MECOM: variants seen among roughly 807,000 people sequenced by gnomAD.
MECOM encodes MDS1 and EVI1 complex locus.
Under a neutral mutation model 116.3 loss-of-function variants are expected in MECOM, and 13 were observed. The ratio of observed to expected loss-of-function variants is 0.11; its 90% CI spans 0.07 to 0.18. The LOEUF (loss-of-function observed/expected upper bound fraction) is 0.18, where lower values mean the gene tolerates loss of function less well. Ranked by LOEUF, MECOM falls within the 10% of genes least tolerant of loss-of-function variation. The pLI, the probability that MECOM is intolerant of heterozygous loss-of-function variation, is 1.00. For synonymous variants in MECOM, 528 were observed against 535.2 expected (o/e 0.99, Z 0.19); for missense variants, 1,299 against 1,509.0 (o/e 0.86, Z 2.31).
At chr3:169,429,471 C>T (rs999670160) in intron 1 of MECOM, among the ~76,000 whole-genome samples, 2 of 152,206 alleles carry the variant, frequency 1.3e-5, no homozygotes, top group Admixed American at 6.5e-5. Context: ...CCATCACAAG[C>T]TCAGAGACTA....
chr3:169,365,056 T>A (rs1333702607), intron 2 of MECOM, among the ~76,000 whole-genome samples: 2 of 152,062 alleles, frequency 1.3e-5, no homozygotes, highest in Non-Finnish European at 2.9e-5. Flanking sequence ...GGGCAAGAAA[T>A]CTATTTTTAT....
chr3:169,389,184 T>A lies in MECOM; in HGVS notation c.38-7660A>T, dbSNP rs143540355. ...CTAGTACTCCTAAGCTATTAAAAAA[T>A]GGGCTTCGCCTCTTCCAAAACTTTC... On this transcript the variant is annotated intron_variant, in intron 1 of 16. Coordinates refer to ENST00000651503, the MANE Select transcript of MECOM (RefSeq NM_004991.4). Among the ~76,000 whole-genome samples the A allele has an allele frequency of 3.9e-5, 6 of 152,360 alleles. No homozygotes were observed. In the East Asian group the frequency reaches 1.2e-3, roughly 29 times the overall value.
At chr3:169,462,665 G>A (rs531653456) in intron 1 of MECOM, among the ~76,000 whole-genome samples, 1 of 152,052 alleles carries the variant, frequency 6.6e-6, no homozygotes, top group Non-Finnish European at 1.5e-5. Flanking sequence ...ACATCCTTAC[G>A]AAAAACTGGA....
chr3:169,378,347 AAAGAAGGAAGG>A (rs1454290904), intron 2 of MECOM, among the ~76,000 whole-genome samples: 3 of 148,406 alleles, frequency 2.0e-5, no homozygotes, highest in Non-Finnish European at 4.5e-5. Flanking sequence ...AAAAGGAAGG[AAAGAAGGAAGG>A]AAGAAGGAAG....
intron 1 of MECOM, among the ~76,000 whole-genome samples, chr3:169,448,772 C>T (rs754425309): frequency 3.3e-5 from 5 of 151,974 alleles, no homozygotes; most frequent in Non-Finnish European, 7.4e-5. Flanking sequence ...TTTCCAATTC[C>T]GTAATAAATG....
intron 3 of MECOM, among the ~76,000 whole-genome samples, chr3:169,141,307 T>C (rs538555161): frequency 6.6e-6 from 1 of 152,064 alleles, no homozygotes; most frequent in Non-Finnish European, 1.5e-5. Context: ...GAAACACTTT[T>C]TATAATTTCT....
chr3:169,570,557 T>C (rs1763770703), intron 1 of MECOM, among the ~76,000 whole-genome samples: 1 of 152,134 alleles, frequency 6.6e-6, no homozygotes, highest in Non-Finnish European at 1.5e-5. Flanking sequence ...TTCAGGCCAA[T>C]ATCCCTGATG....
chr3:169,397,417 C>A (rs1186324874), intron 1 of MECOM, among the ~76,000 whole-genome samples: 1 of 152,130 alleles, frequency 6.6e-6, no homozygotes. Flanking sequence ...ATTATTTCAG[C>A]CCAAAGTGCA....
intron 1 of MECOM, among the ~76,000 whole-genome samples, chr3:169,408,678 C>A (rs1443874144): frequency 6.6e-6 from 1 of 152,094 alleles, no homozygotes; most frequent in Non-Finnish European, 1.5e-5. Flanking sequence ...CCCATGAAGA[C>A]TACAGAAATA....
chr3:169,443,693 T>A (rs1410835010), intron 1 of MECOM, among the ~76,000 whole-genome samples: 1 of 152,222 alleles, frequency 6.6e-6, no homozygotes, highest in Non-Finnish European at 1.5e-5. Context: ...GCTCATCTCC[T>A]GTCAATACTC....
At chr3:169,528,364 T>C (rs185808597) in intron 1 of MECOM, among the ~76,000 whole-genome samples, 1 of 152,290 alleles carries the variant, frequency 6.6e-6, no homozygotes, top group Non-Finnish European at 1.5e-5. Context: ...GAAGAATGAG[T>C]AAATCAAAGA....
intron 1 of MECOM, among the ~76,000 whole-genome samples, chr3:169,549,686 T>A (rs560482956): frequency 4.6e-5 from 7 of 152,184 alleles, no homozygotes; most frequent in African/African-American, 7.2e-5. Context: ...AAAGATTACA[T>A]GTCATTTTTT....
chr3:169,168,580 ATTAAAAGTTC>A (rs1178230241), intron 2 of MECOM, among the ~76,000 whole-genome samples: 2 of 152,144 alleles, frequency 1.3e-5, no homozygotes, highest in Non-Finnish European at 2.9e-5. Flanking sequence ...CTTATACAGA[ATTAAAAGTTC>A]TATATGACTC....
At chr3:169,472,202 A>T (rs1749368064) in intron 1 of MECOM, among the ~76,000 whole-genome samples, 1 of 151,796 alleles carries the variant, frequency 6.6e-6, no homozygotes, top group Non-Finnish European at 1.5e-5. Flanking sequence ...AAAAATTAAA[A>T]ATTAAAAAAA....
intron 3 of MECOM, chr3:169,131,808 C>G (rs1734808583): frequency 6.8e-6 from 5 of 738,306 alleles, no homozygotes; most frequent in Non-Finnish European, 9.2e-6. Flanking sequence ...CTAGCTGCGT[C>G]ACATATATCC....
intron 3 of MECOM, among the ~76,000 whole-genome samples, chr3:169,139,956 T>A (rs1737594902): frequency 9.1e-6 from 1 of 109,292 alleles, no homozygotes. Flanking sequence ...AATAACTAGT[T>A]TTCTTTAAAA....
At chr3:169,600,825 A>G (rs1042587718) in intron 1 of MECOM, among the ~76,000 whole-genome samples, 1 of 152,230 alleles carries the variant, frequency 6.6e-6, no homozygotes, top group Non-Finnish European at 1.5e-5. Flanking sequence ...CACAATGGCT[A>G]AATGTTTGAA....
chr3:169,262,560 G>A (rs1374398354), intron 2 of MECOM, among the ~76,000 whole-genome samples: 1 of 152,060 alleles, frequency 6.6e-6, no homozygotes, highest in African/African-American at 2.4e-5. Context: ...GAAGGCCACG[G>A]GTCACGTTAG....
At chr3:169,642,601 G>T (rs1347896255) in intron 1 of MECOM, among the ~76,000 whole-genome samples, 1 of 151,900 alleles carries the variant, frequency 6.6e-6, no homozygotes, top group Non-Finnish European at 1.5e-5. Context: ...AAATCTGACT[G>T]CTCGGAGAGT....
Sources: gnomAD v4.1 joint callset for allele counts (sites outside exome capture counted in the v4.1 genomes callset) on GRCh38, gnomAD v4.1.1 for gene constraint, MANE v1.5 for transcripts, NCBI Gene and HGNC (gene_info 2026-07-23, HGNC 2026-07-21) for gene names.